Variants in LMBR1 observed in about 807,000 individuals in gnomAD.
LMBR1 encodes limb region 1 protein homolog.
Under a neutral mutation model 73.9 loss-of-function variants are expected in LMBR1, and 52 were observed. The ratio of observed to expected loss-of-function variants is 0.70; its 90% confidence interval spans 0.56 to 0.89. The LOEUF (loss-of-function observed/expected upper bound fraction) is 0.89, where lower values mean the gene tolerates loss of function less well. Among genes scored for constraint, LMBR1 ranks in the 40% least tolerant of loss-of-function variants. The probability of loss-of-function intolerance (pLI) is 0.00; values close to 1 mark genes in which losing one functional copy is unlikely to be tolerated. For missense variants in LMBR1, 539 were observed against 579.8 expected (o/e 0.93, Z 0.72); for synonymous variants, 215 against 209.4 (o/e 1.03, Z -0.23).
intron 10 of LMBR1, among the ~76,000 whole-genome samples, chr7:156,733,493 G>A (rs554966100): frequency 6.6e-6 from 1 of 151,892 alleles, no homozygotes; most frequent in East Asian, 1.9e-4. Flanking sequence ...GAAAACTGCA[G>A]ATGGTAGAAA....
Position 156,827,633 on chromosome 7 carries a change from T to A in LMBR1, c.180-889A>T, listed in dbSNP as rs534509968. Among the ~76,000 whole-genome samples, 4 of 152,124 alleles carry A rather than the reference T, an allele frequency of 2.6e-5. No individual in the cohort carries two copies. The South Asian group carries it at 8.3e-4, about 32-fold the overall frequency. ...AAAGGAAAAAAGAACTTCACTAATATTAGAGATAGAATGGATATTAAAGTT... is the reference window on the plus strand; with the variant it reads ...AAAGGAAAAAAGAACTTCACTAATAATAGAGATAGAATGGATATTAAAGTT... On this transcript the variant is annotated intron_variant, in intron 3 of 16. Transcript: ENST00000353442.
At chr7:156,717,261 G>A (rs1813413903) in intron 15 of LMBR1, among the ~76,000 whole-genome samples, 1 of 152,190 alleles carries the variant, frequency 6.6e-6, no homozygotes, top group African/African-American at 2.4e-5. Context: ...TTGACCACTT[G>A]GATAGAAAGT....
chr7:156,673,108 C>T (rs1471501071), downstream of LMBR1, among the ~76,000 whole-genome samples: 13 of 152,350 alleles, frequency 8.5e-5, no homozygotes, highest in East Asian at 2.5e-3. Context: ...TCATTTCATT[C>T]AATTGATCAG....
intron 15 of LMBR1, among the ~76,000 whole-genome samples, chr7:156,698,992 T>C (rs943879052): frequency 6.6e-5 from 10 of 152,350 alleles, no homozygotes; most frequent in South Asian, 4.1e-4. Flanking sequence ...TGTTTAAATG[T>C]TTAATGTTTT....
intron 4 of LMBR1, among the ~76,000 whole-genome samples, chr7:156,671,074 G>GCCC (rs1474692878): frequency 5.9e-5 from 9 of 152,222 alleles, no homozygotes; most frequent in African/African-American, 1.7e-4. Context: ...CCTTAATAAT[G>GCCC]TAAGTATGCA....
rs57830569 is a variant in LMBR1 at position 156,883,713 on chromosome 7, T to G, written c.66+9215A>C. Among the ~76,000 whole-genome samples, 67 of 152,318 alleles carry G rather than the reference T, an allele frequency of 4.4e-4. 1 individual carries two copies. Among genetic ancestry groups the G allele is most frequent in the African/African-American group, 1.6e-3 (65 of 41,568 alleles). ...TCATTTCCTTGACGTTTCTAGCTTC[T>G]GGAGGCCGCCCACACTCCTTGGCTC... On this transcript the variant is annotated intron_variant, in intron 1 of 16. Coordinates refer to ENST00000353442, the MANE Select transcript of LMBR1 (RefSeq NM_022458.4).
intron 3 of LMBR1, among the ~76,000 whole-genome samples, chr7:156,828,363 C>T (rs1279512812): frequency 6.6e-6 from 1 of 152,128 alleles, no homozygotes; most frequent in Non-Finnish European, 1.5e-5. Flanking sequence ...CATCATTTGC[C>T]CTGTGAAGCA....
chr7:156,749,565 T>C (rs577404707), intron 9 of LMBR1, among the ~76,000 whole-genome samples: 1 of 152,354 alleles, frequency 6.6e-6, no homozygotes, highest in East Asian at 1.9e-4. Flanking sequence ...TCTTGTTTTT[T>C]TTCAATCCCT....
chr7:156,838,165 G>A (rs867769716), intron 1 of LMBR1, among the ~76,000 whole-genome samples: 3 of 152,220 alleles, frequency 2.0e-5, no homozygotes, highest in Non-Finnish European at 2.9e-5. Context: ...AAGATACATT[G>A]TGGAATGGCT....
At chr7:156,877,263 T>C (rs1355527437) in intron 1 of LMBR1, among the ~76,000 whole-genome samples, 1 of 150,452 alleles carries the variant, frequency 6.6e-6, no homozygotes, top group Non-Finnish European at 1.5e-5. Flanking sequence ...ATGGTAATTT[T>C]AAAAATTACC....
chr7:156,855,706 A>G (rs1300707038), intron 1 of LMBR1, among the ~76,000 whole-genome samples: 1 of 150,852 alleles, frequency 6.6e-6, no homozygotes, highest in Non-Finnish European at 1.5e-5. Context: ...TAGGCATATC[A>G]TATGCTGCAA....
intron 2 of LMBR1, among the ~76,000 whole-genome samples, chr7:156,835,711 A>AAACAT (rs1239325894): frequency 6.6e-6 from 1 of 151,994 alleles, no homozygotes; most frequent in Non-Finnish European, 1.5e-5. Context: ...AAAAAAAAAA[A>AAACAT]AACATCAAGT....
At chr7:156,839,498 T>C (rs188421528) in intron 1 of LMBR1, among the ~76,000 whole-genome samples, 15 of 151,576 alleles carry the variant, frequency 9.9e-5, no homozygotes, top group African/African-American at 3.6e-4. Context: ...CCACAGCTTG[T>C]TGTGGAACAT....
At chr7:156,723,285 G>A (rs1014730153) in intron 15 of LMBR1, among the ~76,000 whole-genome samples, 11 of 152,114 alleles carry the variant, frequency 7.2e-5, no homozygotes, top group African/African-American at 2.7e-4. Context: ...GGCAATATGA[G>A]AGCTAATGCA....
chr7:156,709,163 C>G (rs1318238387), intron 15 of LMBR1, among the ~76,000 whole-genome samples: 1 of 152,184 alleles, frequency 6.6e-6, no homozygotes, highest in Non-Finnish European at 1.5e-5. Context: ...GAATACTTAC[C>G]TTGGCCAACT....
intron 5 of LMBR1, among the ~76,000 whole-genome samples, chr7:156,794,212 C>T (rs748230699): frequency 6.6e-6 from 1 of 152,010 alleles, no homozygotes; most frequent in Non-Finnish European, 1.5e-5. Context: ...CAGCTGGTGA[C>T]CCTCGAGTGA....
chr7:156,892,780 G>A (rs1369371456), intron 1 of LMBR1, 148 bp downstream of exon 1: 31 of 439,132 alleles, frequency 7.1e-5, no homozygotes, highest in Non-Finnish European at 1.1e-4. Context: ...GGAGAGGAGG[G>A]GTGGGGAGGG....
chr7:156,821,456 C>T (rs1397609894), intron 4 of LMBR1, among the ~76,000 whole-genome samples: 37 of 152,338 alleles, frequency 2.4e-4, no homozygotes, highest in Admixed American at 2.4e-3. Context: ...GGAAACTCTC[C>T]GATGGGCAGA....
intron 13 of LMBR1, 53 bp from the exon 14 acceptor site, chr7:156,725,578 C>T (rs1585395511): frequency 4.4e-6 from 6 of 1,378,418 alleles, no homozygotes; most frequent in East Asian, 4.6e-5. Context: ...TTCCTAAGTT[C>T]TCGGCAGTCT....
Sources: allele counts gnomAD v4.1 joint callset (sites outside exome capture counted in the v4.1 genomes callset), GRCh38; gene constraint gnomAD v4.1.1; transcripts MANE v1.5; gene names NCBI Gene and HGNC (gene_info 2026-07-23, HGNC 2026-07-21).